The following ST6GALNAC3 variants were observed in gnomAD, a reference collection of about 807,000 sequenced individuals.
The protein encoded by ST6GALNAC3 is ST6 N-acetylgalactosaminide alpha-2,6-sialyltransferase 3.
A neutral mutation model predicts 32.7 loss-of-function variants in ST6GALNAC3; 25 were observed. The ratio of observed to expected loss-of-function variants is 0.76; its 90% confidence interval spans 0.56 to 1.07. The LOEUF (loss-of-function observed/expected upper bound fraction) is 1.07, where lower values mean the gene tolerates loss of function less well. Ranked by LOEUF, ST6GALNAC3 falls within the 50% of genes least tolerant of loss-of-function variation. The pLI is 0.00. For synonymous variants in ST6GALNAC3, 129 were observed against 133.1 expected, an observed-to-expected ratio of 0.97 and a Z score of 0.21; for missense variants, 355 against 382.4, an observed-to-expected ratio of 0.93 and a Z score of 0.60.
chr1:76,243,992 T>A (rs903084666), intron 1 of ST6GALNAC3, among the ~76,000 whole-genome samples: 2 of 152,184 alleles, frequency 1.3e-5, no homozygotes, highest in Admixed American at 6.5e-5. Context: ...AGAAAGTCAA[T>A]GGTAGCTTGA....
chr1:76,109,100 T>G (rs1032009064), intron 1 of ST6GALNAC3, among the ~76,000 whole-genome samples: 9 of 152,168 alleles, frequency 5.9e-5, no homozygotes, highest in African/African-American at 1.9e-4. Context: ...TTACATAACT[T>G]GGAGTCCTAG....
At chr1:76,447,773 G>A (rs569822838) in intron 3 of ST6GALNAC3, among the ~76,000 whole-genome samples, 2 of 152,152 alleles carry the variant, frequency 1.3e-5, no homozygotes, top group Non-Finnish European at 2.9e-5. Context: ...TTGAGCCTGC[G>A]GGTGCACGGA....
intron 3 of ST6GALNAC3, among the ~76,000 whole-genome samples, chr1:76,512,814 CTT>C (rs995253314): frequency 6.6e-6 from 1 of 152,024 alleles, no homozygotes; most frequent in African/African-American, 2.4e-5. Context: ...AACACACACA[CTT>C]TTTTTCTTTT....
chr1:76,412,333 A>G lies in ST6GALNAC3; in HGVS notation c.539A>G (p.Tyr180Cys), dbSNP rs754170443. ...ATGTTGAAAAAGACAGTTGGTATCT[A>G]TCCGAATGCCCAAATATACGTGACC... ...YNMLKKTVGI[Y>C]PNAQIYVTTE... The change falls in exon 3 of 5, where the codon TAT becomes TGT. Residue 180 changes from tyrosine (Y) to cysteine (C), a missense_variant. Physicochemically the swap from Tyr to Cys is radical, Grantham distance 194 (BLOSUM62 -2). Coordinates refer to ENST00000328299, the MANE Select transcript of ST6GALNAC3 (RefSeq NM_152996.4). 8.7e-6 allele frequency: 14 copies of G among 1,613,538 alleles called. 1 individual carries two copies. Among genetic ancestry groups the G allele is most frequent in the African/African-American group, 2.7e-5 (2 of 74,858 alleles).
intron 1 of ST6GALNAC3, among the ~76,000 whole-genome samples, chr1:76,082,046 G>A (rs1646903133): frequency 6.6e-6 from 1 of 152,198 alleles, no homozygotes; most frequent in South Asian, 2.1e-4. Context: ...AGAAAGAAGG[G>A]GTTTAGGTCT....
At chr1:76,386,000 T>C (rs189946432) in intron 2 of ST6GALNAC3, among the ~76,000 whole-genome samples, 16 of 152,214 alleles carry the variant, frequency 1.1e-4, no homozygotes, top group Admixed American at 1.0e-3. Flanking sequence ...GGGGCATTGG[T>C]CTCTTGTCTG....
chr1:76,406,800 C>A (rs1653867180), intron 2 of ST6GALNAC3, among the ~76,000 whole-genome samples: 1 of 151,704 alleles, frequency 6.6e-6, no homozygotes, highest in South Asian at 2.1e-4. Flanking sequence ...ATATGCTCTT[C>A]TTTTTAACCT....
intron 3 of ST6GALNAC3, among the ~76,000 whole-genome samples, chr1:76,543,531 G>A (rs1031691657): frequency 6.6e-6 from 1 of 152,142 alleles, no homozygotes; most frequent in Non-Finnish European, 1.5e-5. Flanking sequence ...AAAATGCAAA[G>A]CTTAAATTTG....
intron 1 of ST6GALNAC3, among the ~76,000 whole-genome samples, chr1:76,240,252 T>C (rs1211884849): frequency 6.6e-6 from 1 of 152,240 alleles, no homozygotes; most frequent in East Asian, 1.9e-4. Context: ...ATATGTAGTA[T>C]GATGTTTTAC....
chr1:76,436,551 G>T (rs1267756063), intron 3 of ST6GALNAC3, among the ~76,000 whole-genome samples: 1 of 152,054 alleles, frequency 6.6e-6, no homozygotes, highest in East Asian at 1.9e-4. Flanking sequence ...TTAAACATTG[G>T]AAATAAGATC....
chr1:76,463,699 G>A (rs1658435557), intron 3 of ST6GALNAC3, among the ~76,000 whole-genome samples: 1 of 152,094 alleles, frequency 6.6e-6, no homozygotes, highest in Admixed American at 6.6e-5. Context: ...CGCAGGGTTT[G>A]GATTCATCTT....
At chr1:76,237,359 C>T (rs1656715198) in intron 1 of ST6GALNAC3, among the ~76,000 whole-genome samples, 1 of 152,170 alleles carries the variant, frequency 6.6e-6, no homozygotes, top group Admixed American at 6.5e-5. Flanking sequence ...ATCTGAAACT[C>T]CTGACCTCAA....
intron 2 of ST6GALNAC3, among the ~76,000 whole-genome samples, chr1:76,365,126 T>C (rs902819558): frequency 2.0e-5 from 3 of 152,262 alleles, no homozygotes; most frequent in Non-Finnish European, 2.9e-5. Context: ...ATATATACCA[T>C]GGAATACTAC....
intron 2 of ST6GALNAC3, among the ~76,000 whole-genome samples, chr1:76,333,053 C>T (rs1647226867): frequency 6.6e-6 from 1 of 152,146 alleles, no homozygotes; most frequent in Admixed American, 6.6e-5. Flanking sequence ...AAGTCTTCTT[C>T]TTCCATTCCC....
intron 3 of ST6GALNAC3, among the ~76,000 whole-genome samples, chr1:76,605,686 G>A (rs985624971): frequency 3.3e-5 from 5 of 151,772 alleles, no homozygotes; most frequent in South Asian, 2.1e-4. Flanking sequence ...CCAACATGGC[G>A]AAACCCCGTT....
chr1:76,488,084 G>C lies in ST6GALNAC3; in HGVS notation c.623+75667G>C, dbSNP rs185152423. ...CCTGGGAAGAAGAGTGATATAGTCT[G>C]GATATTTGTCCCTGCCCAAATCTCA... On this transcript the variant is annotated intron_variant, in intron 3 of 4. Coordinates refer to ENST00000328299, the MANE Select transcript of ST6GALNAC3 (RefSeq NM_152996.4). 2.1e-3 allele frequency among the ~76,000 whole-genome samples: 320 copies of C among 152,250 alleles called. 2 individuals carry two copies. Among genetic ancestry groups the C allele is most frequent in the African/African-American group, 7.5e-3 (310 of 41,562 alleles).
At chr1:76,367,176 T>G (rs1187677251) in intron 2 of ST6GALNAC3, among the ~76,000 whole-genome samples, 1 of 152,236 alleles carries the variant, frequency 6.6e-6, no homozygotes, top group Non-Finnish European at 1.5e-5. Context: ...GCAAGCTATA[T>G]AGTAAACTAT....
chr1:76,459,433 G>A lies in ST6GALNAC3; in HGVS notation c.623+47016G>A, dbSNP rs563303295. Among the ~76,000 whole-genome samples, 271 of 152,082 alleles carry A rather than the reference G, an allele frequency of 1.8e-3. 2 individuals carry two copies. Among genetic ancestry groups the A allele is most frequent in the African/African-American group, 5.6e-3 (234 of 41,482 alleles). On this transcript the variant is annotated intron_variant, in intron 3 of 4. Coordinates refer to ENST00000328299, the MANE Select transcript of ST6GALNAC3 (RefSeq NM_152996.4). ...CAAAAAATTAGCCACGCGTGGTGGCGGGCACCTGTAGTCCCAGCTACTCGG... is the reference window on the plus strand; with the variant it reads ...CAAAAAATTAGCCACGCGTGGTGGCAGGCACCTGTAGTCCCAGCTACTCGG...
intron 1 of ST6GALNAC3, among the ~76,000 whole-genome samples, chr1:76,283,542 G>A (rs1020606765): frequency 1.3e-5 from 2 of 152,114 alleles, no homozygotes; most frequent in African/African-American, 4.8e-5. Context: ...TGGAAACAAG[G>A]AATATAAAGA....
Sources: allele counts gnomAD v4.1 joint callset (sites outside exome capture counted in the v4.1 genomes callset), GRCh38; gene constraint gnomAD v4.1.1; transcripts MANE v1.5; gene names NCBI Gene and HGNC (gene_info 2026-07-23, HGNC 2026-07-21).